The following RBFOX1 variants were observed in gnomAD, a reference collection of about 807,000 sequenced individuals.
The protein encoded by RBFOX1 is RNA binding fox-1 homolog 1, also known as RNA binding protein fox-1 homolog 1.
Under a neutral mutation model 57.7 loss-of-function variants are expected in RBFOX1, and 8 were observed. The observed-to-expected ratio is 0.14, with a 90% CI of 0.08 to 0.25. The LOEUF (loss-of-function observed/expected upper bound fraction) is 0.25, where lower values mean the gene tolerates loss of function less well. RBFOX1 is among the 10% of genes least tolerant of loss of function. The pLI is 1.00. For missense variants in RBFOX1, 611 were observed against 548.5 expected, an observed-to-expected ratio of 1.11 and a Z score of -1.14; for synonymous variants, 326 against 222.4, an observed-to-expected ratio of 1.47 and a Z score of -4.15.
In RBFOX1 at chr16:7,595,583, A is replaced by G. The variant is rs2094643135; in HGVS notation, c.503A>G (p.Asp168Gly). The G allele has an allele frequency of 1.3e-6, 2 of 1,562,982 alleles. No individual in the cohort carries two copies. Among genetic ancestry groups the G allele is most frequent in the Non-Finnish European group, 1.7e-6 (2 of 1,151,338 alleles). Residue 168 changes from aspartate (D) to glycine (G), a missense_variant, in exon 8 of 16, where the codon GAT (aspartate) becomes GGT (glycine). This residue lies in a region of RBFOX1 where 99 missense variants were observed against 160.3 expected (regional missense o/e 0.62). Coordinates refer to ENST00000550418, the MANE Select transcript of RBFOX1 (RefSeq NM_018723.4). ...FGFVTFENSA[D>G]ADRAREKLHG... ...TTCGTAACTTTCGAAAATAGTGCCGATGCGGACAGGGCGAGGGAGAAATTA... is the reference window on the plus strand; with the variant it reads ...TTCGTAACTTTCGAAAATAGTGCCGGTGCGGACAGGGCGAGGGAGAAATTA...
At chr16:6,292,992 C>A (rs573218288) in intron 1 of RBFOX1, among the ~76,000 whole-genome samples, 7 of 152,156 alleles carry the variant, frequency 4.6e-5, no homozygotes, top group Admixed American at 6.5e-5. Flanking sequence ...AGGGTACTTA[C>A]AATTTCCTTC....
chr16:6,711,683 T>C (rs897384052), intron 3 of RBFOX1, among the ~76,000 whole-genome samples: 1 of 152,174 alleles, frequency 6.6e-6, no homozygotes, highest in Non-Finnish European at 1.5e-5. Flanking sequence ...TTAAACTTAC[T>C]TTATTAAGTC....
At chr16:7,163,615 CT>C (rs1168835021) in intron 4 of RBFOX1, among the ~76,000 whole-genome samples, 1 of 151,670 alleles carries the variant, frequency 6.6e-6, no homozygotes, top group Non-Finnish European at 1.5e-5. Flanking sequence ...AAGCTGAGGA[CT>C]TTTTTTTCAA....
intron 1 of RBFOX1, among the ~76,000 whole-genome samples, chr16:5,435,473 A>C (rs1195032144): frequency 1.3e-5 from 2 of 152,092 alleles, no homozygotes; most frequent in African/African-American, 4.8e-5. Context: ...TGAAGGGAAA[A>C]AACAGCCCAC....
At chr16:6,939,526 T>C (rs2077980197) in intron 3 of RBFOX1, among the ~76,000 whole-genome samples, 1 of 149,914 alleles carries the variant, frequency 6.7e-6, no homozygotes, top group African/African-American at 2.5e-5. Flanking sequence ...TTTTCTTTTT[T>C]TTGAGATGGT....
rs184195838 is a variant in RBFOX1 at position 7,080,823 on chromosome 16, G to T, written c.27+28725G>T. The stretch of plus-strand genomic sequence containing the variant: ...CAACAAACTCTTGACTGGCCTTTTC[G>T]CTGTCACTTTGCCTCAAGGCCACAA... On this transcript the variant is annotated intron_variant, in intron 4 of 15. Coordinates refer to ENST00000550418, the MANE Select transcript of RBFOX1 (RefSeq NM_018723.4). Among the ~76,000 whole-genome samples the T allele has an allele frequency of 2.0e-5, 3 of 152,200 alleles. No individual in the cohort carries two copies. In the East Asian group the frequency reaches 5.8e-4, roughly 29 times the overall value.
intron 2 of RBFOX1, among the ~76,000 whole-genome samples, chr16:6,534,471 C>T (rs1257867927): frequency 2.0e-5 from 3 of 152,082 alleles, no homozygotes; most frequent in South Asian, 4.2e-4. Flanking sequence ...TATATATTTA[C>T]CTCTAGGCTG....
At chr16:6,736,722 A>G (rs1462489083) in intron 3 of RBFOX1, among the ~76,000 whole-genome samples, 1 of 152,156 alleles carries the variant, frequency 6.6e-6, no homozygotes, top group Non-Finnish European at 1.5e-5. Flanking sequence ...TTAGTTCCTT[A>G]ATGAATCTCC....
At chr16:5,497,394 A>G (rs2043035563) in intron 2 of RBFOX1, among the ~76,000 whole-genome samples, 1 of 152,030 alleles carries the variant, frequency 6.6e-6, no homozygotes, top group African/African-American at 2.4e-5. Flanking sequence ...ATGGGTTTAG[A>G]AAATGCTTGT....
intron 4 of RBFOX1, among the ~76,000 whole-genome samples, chr16:7,335,676 C>T (rs776387866): frequency 2.6e-5 from 4 of 151,332 alleles, no homozygotes; most frequent in African/African-American, 4.9e-5. Flanking sequence ...CCTGCAAAGG[C>T]AGTGGATGGA....
chr16:6,815,231 G>A (rs1198657458), intron 3 of RBFOX1, among the ~76,000 whole-genome samples: 3 of 152,150 alleles, frequency 2.0e-5, no homozygotes, highest in African/African-American at 7.2e-5. Context: ...AGGATGACCA[G>A]AGATCACTCT....
At chr16:5,479,697 T>G (rs1404682945) in intron 2 of RBFOX1, among the ~76,000 whole-genome samples, 1 of 152,032 alleles carries the variant, frequency 6.6e-6, no homozygotes, top group Admixed American at 6.6e-5. Flanking sequence ...AGGTAGAGGT[T>G]GCAGTGATCC....
chr16:7,464,973 A>G (rs770649881), intron 4 of RBFOX1, among the ~76,000 whole-genome samples: 11 of 151,934 alleles, frequency 7.2e-5, no homozygotes, highest in Non-Finnish European at 1.6e-4. Context: ...CTGCGATTAC[A>G]GGGATGAGCC....
At chr16:6,996,824 C>T (rs556678246) in intron 3 of RBFOX1, among the ~76,000 whole-genome samples, 121 of 152,094 alleles carry the variant, frequency 8.0e-4, no homozygotes, top group African/African-American at 2.8e-3. Flanking sequence ...AGTTGATTTC[C>T]ATCATTGCTA....
At chr16:6,952,168 A>G (rs562755038) in intron 3 of RBFOX1, among the ~76,000 whole-genome samples, 53 of 152,170 alleles carry the variant, frequency 3.5e-4, no homozygotes, top group African/African-American at 8.4e-4. Context: ...TGAAGGCTCT[A>G]TGTGGCACTC....
intron 4 of RBFOX1, among the ~76,000 whole-genome samples, chr16:7,488,104 G>A (rs1193041368): frequency 6.6e-6 from 1 of 152,206 alleles, no homozygotes; most frequent in East Asian, 1.9e-4. Context: ...GACCTGAGCA[G>A]GCTGGAGTGC....
chr16:6,332,250 G>A (rs1168204359), intron 2 of RBFOX1, among the ~76,000 whole-genome samples: 1 of 152,174 alleles, frequency 6.6e-6, no homozygotes, highest in African/African-American at 2.4e-5. Flanking sequence ...GTAGAAGGCG[G>A]GAAGAGCTAA....
At chr16:6,485,201 G>T (rs2095449395) in intron 2 of RBFOX1, among the ~76,000 whole-genome samples, 1 of 152,290 alleles carries the variant, frequency 6.6e-6, no homozygotes, top group Admixed American at 6.5e-5. Flanking sequence ...TAAAAAGCAA[G>T]ATTTTCCAAG....
chr16:6,795,792 G>T (rs1051066157), intron 3 of RBFOX1, among the ~76,000 whole-genome samples: 1 of 147,264 alleles, frequency 6.8e-6, no homozygotes, highest in African/African-American at 2.6e-5. Flanking sequence ...AAAAAAAAAA[G>T]ATAGTCATCG....
Sources: gnomAD v4.1 joint callset for allele counts (sites outside exome capture counted in the v4.1 genomes callset) on GRCh38, gnomAD v4.1.1 for gene constraint, gnomAD v4.1.1 regional missense constraint, MANE v1.5 for transcripts, NCBI Gene and HGNC (gene_info 2026-07-23, HGNC 2026-07-21) for gene names.